Variants in CLIP1 observed in about 807,000 individuals in gnomAD.
CLIP1 encodes the protein CAP-Gly domain-containing linker protein 1.
A neutral mutation model predicts 161.6 loss-of-function variants in CLIP1; 66 were observed. The ratio of observed to expected loss-of-function variants is 0.41; its 90% CI spans 0.33 to 0.50. CLIP1 has a LOEUF of 0.50. Among genes scored for constraint, CLIP1 ranks in the 20% least tolerant of loss-of-function variants. The pLI is 0.27. For missense variants in CLIP1, 1,376 were observed against 1,702.0 expected (o/e 0.81, Z 3.37); for synonymous variants, 598 against 626.2 (o/e 0.96, Z 0.67).
intron 20 of CLIP1, among the ~76,000 whole-genome samples, chr12:122,298,843 T>C (rs2136394033): frequency 6.6e-6 from 1 of 152,092 alleles, no homozygotes; most frequent in Admixed American, 6.6e-5. Context: ...TAGTCTCAGC[T>C]ACTGGGGAGG....
At chr12:122,417,001 A>G (rs1458088404) in intron 1 of CLIP1, among the ~76,000 whole-genome samples, 3 of 151,286 alleles carry the variant, frequency 2.0e-5, no homozygotes, top group African/African-American at 7.3e-5. Context: ...AAGAGTTCCA[A>G]AAAAAAATTT....
chr12:122,380,365 T>C lies in CLIP1; in HGVS notation c.85+3A>G. On this transcript the variant is annotated splice_donor_region_variant and intron_variant, in intron 2 of 25. Transcript: ENST00000620786. ...TAAGGAAAGGAAAAGCGTAAAGTAT[T>C]ACCAGCCGTAGGTGTCTTCAGAGCT... 1 of 1,605,824 alleles carries C rather than the reference T, an allele frequency of 6.2e-7. No homozygotes were observed. Among genetic ancestry groups the C allele is most frequent in the East Asian group, 2.2e-5 (1 of 44,610 alleles).
At chr12:122,390,279 C>CGTAT (rs1292770200) in intron 1 of CLIP1, among the ~76,000 whole-genome samples, 37 of 79,016 alleles carry the variant, frequency 4.7e-4, no homozygotes, top group African/African-American at 1.2e-3. Context: ...TATATATATA[C>CGTAT]ATATATATAT....
intron 17 of CLIP1, among the ~76,000 whole-genome samples, chr12:122,325,706 T>C (rs901218651): frequency 6.6e-6 from 1 of 152,020 alleles, no homozygotes; most frequent in Non-Finnish European, 1.5e-5. Flanking sequence ...CAGGCCAGAG[T>C]GCAGTGGCAC....
intron 20 of CLIP1, among the ~76,000 whole-genome samples, chr12:122,294,220 T>C (rs1253587751): frequency 6.7e-6 from 1 of 149,896 alleles, no homozygotes; most frequent in Non-Finnish European, 1.5e-5. Flanking sequence ...TCCCAGCTAC[T>C]TGGGAGGCTG....
chr12:122,403,163 A>G (rs1956197400), intron 1 of CLIP1, among the ~76,000 whole-genome samples: 1 of 152,244 alleles, frequency 6.6e-6, no homozygotes, highest in Admixed American at 6.5e-5. Context: ...AGAGAAATGT[A>G]AAACTCCTGA....
intron 18 of CLIP1, among the ~76,000 whole-genome samples, chr12:122,317,489 G>C (rs1199827868): frequency 6.6e-6 from 1 of 152,182 alleles, no homozygotes; most frequent in African/African-American, 2.4e-5. Context: ...CTGAGGGCCT[G>C]GCTCTTGGTG....
chr12:122,275,035 A>G (rs530390512), intron 24 of CLIP1: 3 of 151,962 alleles, frequency 2.0e-5, no homozygotes, highest in Non-Finnish European at 2.9e-5. Context: ...TATTTTTAAT[A>G]GAGACGGGGT....
Position 122,377,659 on chromosome 12 carries a change from T to C in CLIP1, c.387A>G (p.Gln129=). The part of the protein sequence containing the change: ...TRPSKLTRKV[Q]AEDEANGLQT... ...GCAGGCCATTAGCTTCATCTTCTGCTTGCACCTTCCTTGTTAACTTTGAAG... is the reference window on the plus strand; with the variant it reads ...GCAGGCCATTAGCTTCATCTTCTGCCTGCACCTTCCTTGTTAACTTTGAAG... Residue 129 remains glutamine, a synonymous_variant, in exon 3 of 26, where the codon CAA becomes CAG. Coordinates refer to ENST00000620786, the MANE Select transcript of CLIP1 (RefSeq NM_001247997.2). 3.7e-6 allele frequency: 6 copies of C among 1,613,676 alleles called. No individual in the cohort carries two copies. The highest frequency in any genetic ancestry group is 5.1e-6 in the Non-Finnish European group (6 of 1,179,972).
intron 1 of CLIP1, among the ~76,000 whole-genome samples, chr12:122,407,679 G>GT (rs57963280): frequency 4.6e-4 from 59 of 129,104 alleles, no homozygotes; most frequent in African/African-American, 6.2e-4. Context: ...GCCTGGATGA[G>GT]TTTTTTTTTT....
chr12:122,317,578 A>G (rs1390292624), intron 18 of CLIP1, among the ~76,000 whole-genome samples: 1 of 152,166 alleles, frequency 6.6e-6, no homozygotes, highest in Non-Finnish European at 1.5e-5. Flanking sequence ...CTCTAGGTGC[A>G]GAGCCACCAC....
At chr12:122,364,897 T>G in intron 3 of CLIP1, 1 of 597,904 alleles carries the variant, frequency 1.7e-6, no homozygotes, top group Non-Finnish European at 3.2e-6. Flanking sequence ...AAAGGTGATA[T>G]TGCAGCCATA....
intron 5 of CLIP1, among the ~76,000 whole-genome samples, chr12:122,357,752 C>T (rs1214125196): frequency 7.3e-5 from 11 of 149,676 alleles, no homozygotes; most frequent in African/African-American, 2.0e-4. Flanking sequence ...TCTGCCCGGC[C>T]GCCCCTACTG....
chr12:122,356,927 G>A (rs186162871), intron 5 of CLIP1, among the ~76,000 whole-genome samples: 17 of 152,338 alleles, frequency 1.1e-4, no homozygotes, highest in Non-Finnish European at 2.1e-4. Context: ...GACGGAGTCT[G>A]GTTCACTCAG....
chr12:122,384,525 G>A (rs1389546944), intron 1 of CLIP1, among the ~76,000 whole-genome samples: 1 of 152,102 alleles, frequency 6.6e-6, no homozygotes, highest in Non-Finnish European at 1.5e-5. Context: ...ACTTTGGAAG[G>A]CTGAGGTGGG....
intron 9 of CLIP1, among the ~76,000 whole-genome samples, chr12:122,349,740 G>A (rs1952928686): frequency 6.6e-6 from 1 of 152,242 alleles, no homozygotes; most frequent in Non-Finnish European, 1.5e-5. Context: ...AAGCGCACAG[G>A]AAAGGCAGGG....
At chr12:122,317,788 T>G (rs1387884713) in intron 18 of CLIP1, among the ~76,000 whole-genome samples, 3 of 152,164 alleles carry the variant, frequency 2.0e-5, no homozygotes, top group African/African-American at 7.2e-5. Context: ...ACACCTAACA[T>G]TCCAGATTAA....
Position 122,272,863 on chromosome 12 carries a change from C to T in CLIP1, c.*12G>A, listed in dbSNP as rs1955228813. On this transcript the variant is annotated 3_prime_UTR_variant, in exon 26 of 26. Transcript: ENST00000620786. The stretch of plus-strand genomic sequence containing the variant: ...GCGTCTGAGCAAGCCCAGTTCTCCA[C>T]TGGAGGCTTCATCAGAAGGTTTCGT... 2 of 1,612,986 alleles carry T rather than the reference C, an allele frequency of 1.2e-6. No individual in the cohort carries two copies. Among genetic ancestry groups the T allele is most frequent in the African/African-American group, 2.7e-5 (2 of 74,918 alleles).
At chr12:122,395,485 T>C (rs1955877919) in intron 1 of CLIP1, 1 of 152,164 alleles carries the variant, frequency 6.6e-6, no homozygotes, top group Non-Finnish European at 1.5e-5. Flanking sequence ...GTCATGACAA[T>C]GACCTCACAA....
Sources: gnomAD v4.1 joint callset for allele counts (sites outside exome capture counted in the v4.1 genomes callset) on GRCh38, gnomAD v4.1.1 for gene constraint, MANE v1.5 for transcripts, NCBI Gene and HGNC (gene_info 2026-07-23, HGNC 2026-07-21) for gene names.